The following SELENOI variants were observed in gnomAD, a reference collection of about 807,000 sequenced individuals.
SELENOI encodes selenoprotein I.
A neutral mutation model predicts 50.7 loss-of-function variants in SELENOI; 24 were observed. The observed-to-expected ratio is 0.47, with a 90% CI of 0.34 to 0.67. The LOEUF (loss-of-function observed/expected upper bound fraction) is 0.67, where lower values mean the gene tolerates loss of function less well. SELENOI is among the 30% of genes least tolerant of loss of function. The pLI, the probability that SELENOI is intolerant of heterozygous loss-of-function variation, is 0.01. For missense variants in SELENOI, 352 were observed against 461.4 expected, an observed-to-expected ratio of 0.76 and a Z score of 2.17; for synonymous variants, 155 against 170.2, an observed-to-expected ratio of 0.91 and a Z score of 0.70.
At chr2:26,346,373 A>C (rs955295117) in intron 1 of SELENOI, 84 bp downstream of exon 1, 9 of 1,432,676 alleles carry the variant, frequency 6.3e-6, no homozygotes, top group Non-Finnish European at 7.3e-6. Context: ...GGTCCGTGTC[A>C]CCTTGTGCCG....
chr2:26,373,242 A>T, intron 4 of SELENOI, 125 bp from the exon 5 acceptor site: 1 of 1,148,208 alleles, frequency 8.7e-7, no homozygotes, highest in South Asian at 1.6e-5. Context: ...GTACCAGCTG[A>T]TAGCTATACT....
intron 2 of SELENOI, 84 bp downstream of exon 2, chr2:26,364,454 C>T: frequency 1.2e-6 from 1 of 861,716 alleles, no homozygotes. Flanking sequence ...ATAAATGCAA[C>T]TCTCAGTTTC....
rs1677914637 is a variant in SELENOI, at chr2:26,389,395, C to T, written c.*292C>T. On this transcript the variant is annotated 3_prime_UTR_variant, in exon 10 of 10. Transcript: ENST00000260585. ...TGAGTTTACAATGTTGTGATTCATG[C>T]AGGGTTAAAGATGCTTTGTTTTTAT... 1 of 267,152 alleles carries T rather than the reference C, an allele frequency of 3.7e-6. No homozygotes were observed. The highest frequency in any genetic ancestry group is 7.2e-6 in the Non-Finnish European group (1 of 139,404). 16.5% of individuals were successfully genotyped at this position (267,152 alleles called of 1,614,324 possible).
intron 1 of SELENOI, among the ~76,000 whole-genome samples, chr2:26,350,729 G>A (rs1479856713): frequency 2.6e-5 from 4 of 152,176 alleles, no homozygotes; most frequent in African/African-American, 7.2e-5. Context: ...GAGGAGAGGA[G>A]GCAGCTTCCA....
chr2:26,371,064 G>T (rs576735909), intron 4 of SELENOI, among the ~76,000 whole-genome samples: 185 of 138,186 alleles, frequency 1.3e-3, no homozygotes, highest in African/African-American at 4.6e-3. Flanking sequence ...GGGCAGAGGC[G>T]CCCCTCACCT....
At chr2:26,375,848 T>A (rs968002896) in intron 6 of SELENOI, among the ~76,000 whole-genome samples, 9 of 152,158 alleles carry the variant, frequency 5.9e-5, no homozygotes, top group Admixed American at 4.6e-4. Context: ...GGCTCATGCC[T>A]GTAATCCCAG....
Position 26,391,154 on chromosome 2 carries a change from T to A in SELENOI, c.*2051T>A, listed in dbSNP as rs1051201637. 6.6e-6 allele frequency: 1 copy of A among 152,204 alleles called. No individual in the cohort carries two copies. Among genetic ancestry groups the A allele is most frequent in the African/African-American group, 2.4e-5 (1 of 41,432 alleles). 9.4% of individuals were successfully genotyped at this position (152,204 alleles called of 1,614,324 possible). On this transcript the variant is annotated 3_prime_UTR_variant, in exon 10 of 10. Transcript: ENST00000260585. ...CTGCCCTCTTTTGGTTGTATCAAAT[T>A]TATTTGAAAATTGTTTTGTGCTGTA...
In SELENOI at chr2:26,391,450, T is replaced by G. The variant is rs2147966349; in HGVS notation, c.*2347T>G. 1.3e-5 allele frequency: 2 copies of G among 152,352 alleles called. No homozygotes were observed. 9.4% of individuals were successfully genotyped at this position (152,352 alleles called of 1,614,324 possible). Reference sequence around the variant, plus strand: ...CATTCCAGATAGCTGTGTGCATTTATGTCATGCCAATTACTATAACATTTC... The same window carrying G: ...CATTCCAGATAGCTGTGTGCATTTAGGTCATGCCAATTACTATAACATTTC... On this transcript the variant is annotated 3_prime_UTR_variant, in exon 10 of 10. Coordinates refer to ENST00000260585, the MANE Select transcript of SELENOI (RefSeq NM_033505.4).
At position 26,364,956 on chromosome 2, in the gene SELENOI, T is replaced by C; in HGVS notation, c.235+16T>C. The C allele has an allele frequency of 6.6e-7, 1 of 1,504,730 alleles. No homozygotes were observed. The highest frequency in any genetic ancestry group is 9.0e-7 in the Non-Finnish European group (1 of 1,115,036). The allele number at this position is 1,504,730 out of a possible 1,614,324, so 93.2% of individuals were successfully genotyped here. A position where few individuals can be genotyped will look rare whatever the true frequency, so the allele number is the denominator to read the frequency against. ...TATGCCTCAGGTAAGAATATTACTT[T>C]ATTATAAAATTTAACTGAGTAGAAA... On this transcript the variant is annotated intron_variant, in intron 3 of 9. Coordinates refer to ENST00000260585, the MANE Select transcript of SELENOI (RefSeq NM_033505.4).
At chr2:26,354,449 C>T (rs1344923748) in intron 1 of SELENOI, among the ~76,000 whole-genome samples, 1 of 152,002 alleles carries the variant, frequency 6.6e-6, no homozygotes, top group Non-Finnish European at 1.5e-5. Context: ...TGCAGTGGTG[C>T]GATCTCGGCT....
rs181862594 is a variant in SELENOI, at chr2:26,381,271, A to G, written c.683-2028A>G. ...TTTTTCTCTAGCTGTTAAGTTTCCT[A>G]TATTATGAAGTCTGGGCCTTCACTT... is the stretch of plus-strand genomic sequence containing the variant. On this transcript the variant is annotated intron_variant, in intron 6 of 9. Transcript: ENST00000260585. Among the ~76,000 whole-genome samples the G allele has an allele frequency of 1.7e-3, 147 of 87,690 alleles. 1 individual carries two copies. Among genetic ancestry groups the G allele is most frequent in the Middle Eastern group, 0.015 (1 of 68 alleles). The allele number at this position is 87,690 out of a possible 152,430, so 57.5% of individuals were successfully genotyped here.
chr2:26,381,706 C>A (rs1363707671), intron 6 of SELENOI, among the ~76,000 whole-genome samples: 1 of 152,144 alleles, frequency 6.6e-6, no homozygotes, highest in Non-Finnish European at 1.5e-5. Flanking sequence ...CTCAGGTGGT[C>A]TTCTCCTTCC....
intron 5 of SELENOI, among the ~76,000 whole-genome samples, chr2:26,374,645 C>T (rs184128721): frequency 3.0e-4 from 45 of 151,004 alleles, no homozygotes; most frequent in African/African-American, 9.0e-4. Context: ...CTCGGCTCAC[C>T]GCAACCTCTG....
In SELENOI at chr2:26,373,499, C is replaced by T. The variant is rs767914417; in HGVS notation, c.443C>T (p.Ser148Leu). 1 of 1,613,988 alleles carries T rather than the reference C, an allele frequency of 6.2e-7. No homozygotes were observed. The highest frequency in any genetic ancestry group is 1.1e-5 in the South Asian group (1 of 91,078). The change falls in exon 5 of 10, where the codon TCA (serine) becomes TTA (leucine). Residue 148 changes from serine to leucine, a missense_variant. Transcript: ENST00000260585. ...VTVYSIFGRG[S>L]TGVSVFVLYL... ...GTTTATTCCATCTTTGGAAGAGGAT[C>T]AACTGGTGTCAGTGTTTTTGTTCTT...
chr2:26,387,128 AAT>A (rs1163701658), intron 9 of SELENOI, among the ~76,000 whole-genome samples: 1 of 152,204 alleles, frequency 6.6e-6, no homozygotes, highest in Non-Finnish European at 1.5e-5. Flanking sequence ...AATAAGGGGA[AAT>A]ATAGAAGAAA....
intron 4 of SELENOI, 84 bp from the exon 5 acceptor site, chr2:26,373,283 G>A (rs1677497531): frequency 6.8e-7 from 1 of 1,468,030 alleles, no homozygotes; most frequent in African/African-American, 1.4e-5. Context: ...GATTTGTTTT[G>A]TTTTTTCCTC....
In SELENOI at chr2:26,394,129, G is replaced by A. The variant is rs1678031937; in HGVS notation, c.*5026G>A. Reference sequence around the variant, plus strand: ...ATAGCATTATAAATCTGGGGCAGGTGCCTGTAATCCCAGCACTTTGGGAAG... The same window carrying A: ...ATAGCATTATAAATCTGGGGCAGGTACCTGTAATCCCAGCACTTTGGGAAG... On this transcript the variant is annotated 3_prime_UTR_variant, in exon 10 of 10. Transcript: ENST00000260585. The surrounding 1 kb of genome is among the most constrained non-coding windows in gnomAD (Gnocchi z 4.1). The A allele has an allele frequency of 6.6e-6, 1 of 152,214 alleles. No homozygotes were observed. The highest frequency in any genetic ancestry group is 6.5e-5 in the Admixed American group (1 of 15,276). 9.4% of individuals were successfully genotyped at this position (152,214 alleles called of 1,614,324 possible).
At chr2:26,383,857 G>A (rs1677781721) in intron 7 of SELENOI, among the ~76,000 whole-genome samples, 2 of 152,044 alleles carry the variant, frequency 1.3e-5, no homozygotes, top group African/African-American at 2.4e-5. Context: ...CTTGGCAACA[G>A]AGCGAGACTC....
rs1677990724 is a variant in SELENOI, at chr2:26,392,467, A to G, written c.*3364A>G. 1 of 152,170 alleles carries G rather than the reference A, an allele frequency of 6.6e-6. No homozygotes were observed. Among genetic ancestry groups the G allele is most frequent in the Admixed American group, 6.6e-5 (1 of 15,266 alleles). 9.4% of individuals were successfully genotyped at this position (152,170 alleles called of 1,614,324 possible). A position where few individuals can be genotyped will look rare whatever the true frequency, so the allele number is the denominator to read the frequency against. On this transcript the variant is annotated 3_prime_UTR_variant, in exon 10 of 10. Transcript: ENST00000260585. Reference sequence around the variant, plus strand: ...GTCAGAGGCTACTTTTCCCCTTTATATTTTATATAGAAGCCTATTTGTAAT... The same window carrying G: ...GTCAGAGGCTACTTTTCCCCTTTATGTTTTATATAGAAGCCTATTTGTAAT...
Sources: gnomAD v4.1 joint callset for allele counts (sites outside exome capture counted in the v4.1 genomes callset) on GRCh38, gnomAD v4.1.1 for gene constraint, Gnocchi (gnomAD v3.1) non-coding constraint, MANE v1.5 for transcripts, NCBI Gene and HGNC (gene_info 2026-07-23, HGNC 2026-07-21) for gene names.